Variants in KIF21A observed in about 807,000 individuals in gnomAD.
The protein encoded by KIF21A is kinesin-like protein KIF21A.
KIF21A carries 114 observed loss-of-function variants against 202.9 expected under a neutral mutation model. The observed-to-expected ratio is 0.56, with a 90% CI of 0.48 to 0.66. The LOEUF is 0.66. Ranked by LOEUF, KIF21A falls within the 30% of genes least tolerant of loss-of-function variation. KIF21A has a pLI of 0.00. For missense variants in KIF21A, 1,677 were observed against 1,994.9 expected, an observed-to-expected ratio of 0.84 and a Z score of 3.04; for synonymous variants, 667 against 670.8, an observed-to-expected ratio of 0.99 and a Z score of 0.09.
At chr12:39,404,514 C>CT (rs1443833566) in intron 1 of KIF21A, among the ~76,000 whole-genome samples, 1 of 152,060 alleles carries the variant, frequency 6.6e-6, no homozygotes, top group African/African-American at 2.4e-5. Context: ...AGTTGTTACT[C>CT]TTTTTCATAA....
At chr12:39,354,806 C>T (rs1356491291) in intron 10 of KIF21A, among the ~76,000 whole-genome samples, 26 of 152,012 alleles carry the variant, frequency 1.7e-4, no homozygotes, top group Non-Finnish European at 1.3e-4. Context: ...TTTATGATAC[C>T]TTTATATTTA....
rs372834388 is a variant in KIF21A at position 39,357,240 on chromosome 12, C to G, written c.1405+8G>C. The G allele has an allele frequency of 1.2e-5, 20 of 1,613,794 alleles. No individual in the cohort carries two copies. The African/African-American group carries it at 2.0e-4, about 16-fold the overall frequency. On this transcript the variant is annotated splice_region_variant and intron_variant, in intron 9 of 37. Coordinates refer to ENST00000361418, the MANE Select transcript of KIF21A (RefSeq NM_001173464.2). ...TAATCCCTCACTTATCCCACCCTACCCACATACCTGCTCTGGCAAGAACAT... is the reference window on the plus strand; with the variant it reads ...TAATCCCTCACTTATCCCACCCTACGCACATACCTGCTCTGGCAAGAACAT...
intron 10 of KIF21A, among the ~76,000 whole-genome samples, chr12:39,355,934 G>A (rs1489750702): frequency 1.3e-5 from 2 of 151,838 alleles, no homozygotes; most frequent in Admixed American, 6.6e-5. Context: ...CTCTAGAATA[G>A]CCAGAGGAAG....
intron 14 of KIF21A, 92 bp from the exon 15 acceptor site, chr12:39,341,186 G>A: frequency 9.7e-7 from 1 of 1,028,712 alleles, no homozygotes; most frequent in South Asian, 1.4e-5. Context: ...CATCAACTAG[G>A]TATTTTTATT....
At chr12:39,435,381 AAAG>A (rs1566388652) in intron 1 of KIF21A, among the ~76,000 whole-genome samples, 1 of 152,210 alleles carries the variant, frequency 6.6e-6, no homozygotes, top group African/African-American at 2.4e-5. Flanking sequence ...AGAGGGAGAG[AAAG>A]AAGAATCATA....
intron 1 of KIF21A, among the ~76,000 whole-genome samples, chr12:39,422,952 C>A (rs1444103420): frequency 6.6e-6 from 1 of 152,170 alleles, no homozygotes; most frequent in East Asian, 1.9e-4. Context: ...AACTCTGTGA[C>A]CAAGGGCAAG....
chr12:39,341,717 CAT>C (rs1175538611), intron 13 of KIF21A, 95 bp from the exon 14 acceptor site: 18 of 1,348,152 alleles, frequency 1.3e-5, no homozygotes, highest in Non-Finnish European at 1.8e-5. Context: ...AGTACGGAAA[CAT>C]AAAAAAATTC....
chr12:39,356,968 C>A, intron 9 of KIF21A, 73 bp from the exon 10 acceptor site: 3 of 785,142 alleles, frequency 3.8e-6, no homozygotes, highest in South Asian at 3.1e-5. Flanking sequence ...AAAAAAAAGT[C>A]GGGAAACAAA....
intron 23 of KIF21A, 134 bp from the exon 24 acceptor site, chr12:39,330,396 A>G (rs1472990801): frequency 2.5e-6 from 2 of 801,688 alleles, no homozygotes; most frequent in African/African-American, 1.7e-5. Context: ...AACACTTATA[A>G]GTTTATTTTT....
At chr12:39,398,316 T>C (rs1951909641) in intron 1 of KIF21A, among the ~76,000 whole-genome samples, 1 of 152,122 alleles carries the variant, frequency 6.6e-6, no homozygotes, top group South Asian at 2.1e-4. Context: ...ACACAAAAAA[T>C]AGGCCGGACA....
chr12:39,301,411 T>C, intron 37 of KIF21A, 69 bp downstream of exon 37: 4 of 1,176,926 alleles, frequency 3.4e-6, no homozygotes, highest in East Asian at 2.3e-5. Flanking sequence ...TTTCTAGATA[T>C]TTACAACATA....
chr12:39,407,863 T>C (rs906928331), intron 1 of KIF21A, among the ~76,000 whole-genome samples: 14 of 150,966 alleles, frequency 9.3e-5, no homozygotes, highest in Middle Eastern at 3.4e-3. Context: ...TTACATATTA[T>C]ATTTAGCATA....
At chr12:39,401,860 G>A (rs1952194690) in intron 1 of KIF21A, among the ~76,000 whole-genome samples, 1 of 152,180 alleles carries the variant, frequency 6.6e-6, no homozygotes, top group African/African-American at 2.4e-5. Context: ...AAGGAGAACT[G>A]TAGAAATACA....
chr12:39,435,189 G>A (rs1938512023), intron 1 of KIF21A, among the ~76,000 whole-genome samples: 1 of 152,152 alleles, frequency 6.6e-6, no homozygotes, highest in South Asian at 2.1e-4. Flanking sequence ...AGAAGCAGAT[G>A]GATGTGCCCA....
In KIF21A at chr12:39,330,814, A is replaced by G. The variant is rs1252460684; in HGVS notation, c.3251T>C (p.Phe1084Ser). 2 of 1,613,934 alleles carry G rather than the reference A, an allele frequency of 1.2e-6. No homozygotes were observed. Among genetic ancestry groups the G allele is most frequent in the Non-Finnish European group, 1.7e-6 (2 of 1,179,860 alleles). Residue 1084 changes from phenylalanine (F) to serine (S), a missense_variant, in exon 23 of 38, where the codon TTC (phenylalanine) becomes TCC (serine). By Grantham distance (155) the Phe-to-Ser change is radical (BLOSUM62 -2). Coordinates refer to ENST00000361418, the MANE Select transcript of KIF21A (RefSeq NM_001173464.2). The stretch of plus-strand genomic sequence containing the variant: ...TTCTGCCTTCTCTTTCAACATATGG[A>G]ATAAGAGCTGGTTTTGGGTAGCACT... ...ITSATQNQLLFHMLKEKAELN... is the reference protein window; with the variant it reads ...ITSATQNQLLSHMLKEKAELN...
chr12:39,356,494 C>CATTAAA, intron 10 of KIF21A: 14 of 194,444 alleles, frequency 7.2e-5, no homozygotes, highest in South Asian at 3.6e-4. Context: ...GATCTATTCC[C>CATTAAA]AACTGATGGG....
At chr12:39,323,003 G>A (rs79866206) in intron 26 of KIF21A, 121 bp from the exon 27 acceptor site, 11,593 of 695,660 alleles carry the variant, frequency 0.017, 214 homozygotes, top group South Asian at 0.081. Context: ...TTTCCTAGGT[G>A]TGCCAAACAT....
At chr12:39,370,283 G>T (rs369251043) in intron 1 of KIF21A, 22 bp from the exon 2 acceptor site, 7 of 1,540,320 alleles carry the variant, frequency 4.5e-6, no homozygotes, top group Non-Finnish European at 6.2e-6. Context: ...AATCAGAAAA[G>T]AAAAAAATAA....
At chr12:39,390,202 C>A (rs1275100303) in intron 1 of KIF21A, among the ~76,000 whole-genome samples, 2 of 151,994 alleles carry the variant, frequency 1.3e-5, no homozygotes, top group African/African-American at 2.4e-5. Flanking sequence ...ACAACAACAA[C>A]AAAAAAACAC....
Sources: gnomAD v4.1 joint callset for allele counts (sites outside exome capture counted in the v4.1 genomes callset) on GRCh38, gnomAD v4.1.1 for gene constraint, MANE v1.5 for transcripts, NCBI Gene and HGNC (gene_info 2026-07-23, HGNC 2026-07-21) for gene names.